Variants in BMS1 observed in about 807,000 individuals in gnomAD.
BMS1 encodes BMS1 ribosome biogenesis factor.
Under a neutral mutation model 138.7 loss-of-function variants are expected in BMS1, and 53 were observed. The ratio of observed to expected loss-of-function variants is 0.38; its 90% CI spans 0.31 to 0.48. BMS1 has a LOEUF of 0.48. BMS1 is among the 20% of genes least tolerant of loss of function. The pLI is 0.97. For synonymous variants in BMS1, 504 were observed against 539.9 expected, an observed-to-expected ratio of 0.93 and a Z score of 0.92; for missense variants, 1,360 against 1,565.5, an observed-to-expected ratio of 0.87 and a Z score of 2.22.
Position 42,797,402 on chromosome 10 carries a change from G to A in BMS1, c.1988-20G>A, listed in dbSNP as rs568225400. ...GACACATGAATAAGCCTAACTGGAG[G>A]TTGGCATTGGTCGTTTCAGGTGCCC... On this transcript the variant is annotated intron_variant, in intron 10 of 22. Transcript: ENST00000374518. 2 of 1,613,088 alleles carry A rather than the reference G, an allele frequency of 1.2e-6. No individual in the cohort carries two copies. Among genetic ancestry groups the A allele is most frequent in the Non-Finnish European group, 1.7e-6 (2 of 1,179,148 alleles).
chr10:42,808,459 C>T (rs1262874782), intron 13 of BMS1, among the ~76,000 whole-genome samples: 2 of 151,588 alleles, frequency 1.3e-5, no homozygotes, highest in East Asian at 1.9e-4. Flanking sequence ...CCACCACATC[C>T]GGCTAATTTT....
At chr10:42,828,344 T>A (rs570370616) in intron 21 of BMS1, among the ~76,000 whole-genome samples, 7 of 152,264 alleles carry the variant, frequency 4.6e-5, no homozygotes, top group Non-Finnish European at 1.0e-4. Context: ...ATTTATCCAT[T>A]GATGGGTAAA....
At chr10:42,812,927 G>T (rs185188950) in intron 13 of BMS1, among the ~76,000 whole-genome samples, 6 of 152,342 alleles carry the variant, frequency 3.9e-5, no homozygotes, top group African/African-American at 1.4e-4. Context: ...GGGTGGCGGG[G>T]TAGGGGGTGT....
At chr10:42,807,696 C>T (rs1564421636) in intron 13 of BMS1, among the ~76,000 whole-genome samples, 2 of 152,162 alleles carry the variant, frequency 1.3e-5, no homozygotes, top group Admixed American at 6.6e-5. Context: ...CTGTGTTGCT[C>T]AGGCTGATCT....
At chr10:42,811,474 C>T (rs1842175259) in intron 13 of BMS1, among the ~76,000 whole-genome samples, 1 of 151,000 alleles carries the variant, frequency 6.6e-6, no homozygotes, top group African/African-American at 2.4e-5. Context: ...ATTTCCTTCT[C>T]AGTACTGCTG....
At chr10:42,791,906 T>C (rs1157476318) in intron 6 of BMS1, 137 bp downstream of exon 6, 3 of 1,102,982 alleles carry the variant, frequency 2.7e-6, no homozygotes, top group Non-Finnish European at 3.8e-6. Context: ...GGAAAATGTC[T>C]ACTTATATCA....
In BMS1 at chr10:42,791,871, TA is replaced by T. The variant is rs149863147; in HGVS notation, c.779+103del. The T allele has an allele frequency of 4.8e-3, 6,633 of 1,385,842 alleles. 27 individuals are homozygous for T. The highest frequency in any genetic ancestry group is 9.4e-3 in the Admixed American group (405 of 43,082). 85.8% of individuals were successfully genotyped at this position (1,385,842 alleles called of 1,614,324 possible). ...AGGATTTATTTTGTGCCGATTTGAA[TA>T]GGGGGGATAGAAGTGTAGTTGATGG... On this transcript the variant is annotated intron_variant, in intron 6 of 22. Transcript: ENST00000374518.
At chr10:42,785,884 C>G (rs955119558) in intron 3 of BMS1, among the ~76,000 whole-genome samples, 1 of 152,120 alleles carries the variant, frequency 6.6e-6, no homozygotes, top group Non-Finnish European at 1.5e-5. Context: ...CCTCCCAGCA[C>G]TCTGGGAGGT....
At chr10:42,808,865 A>G (rs866736249) in intron 13 of BMS1, among the ~76,000 whole-genome samples, 2 of 152,066 alleles carry the variant, frequency 1.3e-5, no homozygotes, top group Admixed American at 6.5e-5. Context: ...TCACATGTCA[A>G]TCCCTTGGCC....
chr10:42,786,741 G>A (rs956137530), intron 3 of BMS1, among the ~76,000 whole-genome samples: 10 of 151,946 alleles, frequency 6.6e-5, no homozygotes, highest in Admixed American at 1.3e-4. Flanking sequence ...TTTCTTGACT[G>A]TTTTATTTTT....
intron 9 of BMS1, 50 bp downstream of exon 9, chr10:42,794,041 T>C: frequency 6.3e-7 from 1 of 1,584,080 alleles, no homozygotes; most frequent in Non-Finnish European, 8.6e-7. Flanking sequence ...TTACAAAAGA[T>C]CATATCACCC....
Position 42,820,999 on chromosome 10 carries a change from A to C in BMS1, c.3009+7A>C. ...GTCTGTCAGTGGCATAATGGTAACT[A>C]TCTTGGATGATTTCTTTTACAGATT... On this transcript the variant is annotated splice_region_variant and intron_variant, in intron 18 of 22. Coordinates refer to ENST00000374518, the MANE Select transcript of BMS1 (RefSeq NM_014753.4). 6.4e-7 allele frequency: 1 copy of C among 1,554,378 alleles called. No individual in the cohort carries two copies. Among genetic ancestry groups the C allele is most frequent in the South Asian group, 1.1e-5 (1 of 90,062 alleles).
intron 22 of BMS1, 23 bp from the exon 23 acceptor site, chr10:42,830,843 T>C: frequency 1.3e-6 from 2 of 1,589,672 alleles, no homozygotes; most frequent in Non-Finnish European, 1.7e-6. Context: ...ATTCTGATAC[T>C]CACCGGCTTT....
At chr10:42,809,093 G>T (rs1407002171) in intron 13 of BMS1, among the ~76,000 whole-genome samples, 1 of 152,108 alleles carries the variant, frequency 6.6e-6, no homozygotes, top group Non-Finnish European at 1.5e-5. Flanking sequence ...TCAGTTTGGG[G>T]GGATAATCTT....
At chr10:42,788,812 C>T (rs566994254) in intron 4 of BMS1, among the ~76,000 whole-genome samples, 1 of 152,360 alleles carries the variant, frequency 6.6e-6, no homozygotes, top group African/African-American at 2.4e-5. Flanking sequence ...TCTCAGATCC[C>T]TGCAGAGCAG....
chr10:42,818,144 C>T (rs1438590586), intron 15 of BMS1, among the ~76,000 whole-genome samples: 1 of 152,150 alleles, frequency 6.6e-6, no homozygotes, highest in Non-Finnish European at 1.5e-5. Flanking sequence ...CCTGTGTAAG[C>T]TGGAACAGAT....
At chr10:42,800,620 G>A (rs1018282084) in intron 12 of BMS1, among the ~76,000 whole-genome samples, 1 of 149,228 alleles carries the variant, frequency 6.7e-6, no homozygotes, top group Admixed American at 6.7e-5. Flanking sequence ...TCTGCCTCCC[G>A]GGTTCATGCC....
intron 13 of BMS1, among the ~76,000 whole-genome samples, chr10:42,815,388 G>A (rs1030791559): frequency 5.3e-5 from 8 of 152,094 alleles, no homozygotes; most frequent in Admixed American, 3.3e-4. Context: ...AAAAAATAAA[G>A]TTCTGGTGCA....
chr10:42,790,446 C>A lies in BMS1; in HGVS notation c.571C>A (p.His191Asn). ...GVLTHLDSFK[H>N]NKQLKKTKKR... ...TCTCACCCACCTCGACTCCTTCAAGCATAATAAGCAACTGAAGAAGACAAA... is the reference window on the plus strand; with the variant it reads ...TCTCACCCACCTCGACTCCTTCAAGAATAATAAGCAACTGAAGAAGACAAA... The change falls in exon 5 of 23, where the codon CAT becomes AAT. Residue 191 changes from histidine (H) to asparagine (N), a missense_variant. Physicochemically the swap from His to Asn is moderately conservative, Grantham distance 68 (BLOSUM62 1). Around this residue, in one of 3 missense-constraint regions of BMS1, gnomAD observed 238 missense variants for 311.1 expected, o/e 0.77. Coordinates refer to ENST00000374518, the MANE Select transcript of BMS1 (RefSeq NM_014753.4). 1 of 1,613,892 alleles carries A rather than the reference C, an allele frequency of 6.2e-7. No individual in the cohort carries two copies. The highest frequency in any genetic ancestry group is 1.3e-5 in the African/African-American group (1 of 75,016).
Sources: allele counts gnomAD v4.1 joint callset (sites outside exome capture counted in the v4.1 genomes callset), GRCh38; gene constraint gnomAD v4.1.1; regional missense constraint gnomAD v4.1.1; transcripts MANE v1.5; gene names NCBI Gene and HGNC (gene_info 2026-07-23, HGNC 2026-07-21).